The following NALCN variants were observed in gnomAD, a reference collection of about 807,000 sequenced individuals.
NALCN encodes the protein sodium leak channel, non-selective, also known as sodium leak channel NALCN.
Under a neutral mutation model 225.3 loss-of-function variants are expected in NALCN, and 111 were observed. The ratio of observed to expected loss-of-function variants is 0.49; its 90% CI spans 0.42 to 0.58. The LOEUF (loss-of-function observed/expected upper bound fraction) is 0.58, where lower values mean the gene tolerates loss of function less well. Ranked by LOEUF, NALCN falls within the 20% of genes least tolerant of loss-of-function variation. The probability of loss-of-function intolerance (pLI) is 0.00; values close to 1 mark genes in which losing one functional copy is unlikely to be tolerated. For missense variants in NALCN, 1,378 were observed against 2,202.4 expected, an observed-to-expected ratio of 0.63 and a Z score of 7.49; for synonymous variants, 764 against 769.0, an observed-to-expected ratio of 0.99 and a Z score of 0.11.
intron 10 of NALCN, among the ~76,000 whole-genome samples, chr13:101,279,262 G>C (rs112887662): frequency 1.3e-5 from 2 of 152,240 alleles, no homozygotes; most frequent in African/African-American, 4.8e-5. Context: ...TGAAGGATGA[G>C]TGAGAAGGAA....
intron 6 of NALCN, among the ~76,000 whole-genome samples, chr13:101,367,440 T>A (rs1457082814): frequency 6.6e-6 from 1 of 152,168 alleles, no homozygotes; most frequent in Non-Finnish European, 1.5e-5. Context: ...TACTAATCAA[T>A]GCCTAAGGTA....
chr13:101,279,781 C>T (rs975850834), intron 10 of NALCN, among the ~76,000 whole-genome samples: 2 of 149,540 alleles, frequency 1.3e-5, no homozygotes, highest in African/African-American at 2.4e-5. Flanking sequence ...CCCGCCACTG[C>T]ACTCCAGCCT....
intron 7 of NALCN, among the ~76,000 whole-genome samples, chr13:101,307,570 C>T (rs888543312): frequency 6.6e-6 from 1 of 152,168 alleles, no homozygotes; most frequent in Admixed American, 6.5e-5. Context: ...TCTGAACTTT[C>T]TGAAACTTTT....
At chr13:101,277,653 T>C (rs1469079970) in intron 10 of NALCN, among the ~76,000 whole-genome samples, 2 of 152,256 alleles carry the variant, frequency 1.3e-5, no homozygotes, top group African/African-American at 2.4e-5. Flanking sequence ...CTTGTATTTA[T>C]TCTTTATTCA....
chr13:101,156,108 C>T (rs1285868145), intron 15 of NALCN, among the ~76,000 whole-genome samples: 1 of 152,116 alleles, frequency 6.6e-6, no homozygotes, highest in Non-Finnish European at 1.5e-5. Flanking sequence ...TCAAAGTCTT[C>T]CTGCTTTGGC....
intron 11 of NALCN, among the ~76,000 whole-genome samples, chr13:101,245,031 T>C (rs2041853523): frequency 6.6e-6 from 1 of 152,252 alleles, no homozygotes; most frequent in Admixed American, 6.5e-5. Context: ...TGTGCAGGTG[T>C]CCAATCTCAA....
At chr13:101,380,892 AC>A (rs1491058349) in intron 3 of NALCN, among the ~76,000 whole-genome samples, 6 of 149,750 alleles carry the variant, frequency 4.0e-5, no homozygotes. Flanking sequence ...ACACACACAC[AC>A]CACCATCACC....
intron 33 of NALCN, among the ~76,000 whole-genome samples, chr13:101,082,592 C>T (rs2033714145): frequency 2.0e-5 from 3 of 152,304 alleles, no homozygotes; most frequent in African/African-American, 4.8e-5. Context: ...TCAGACACAA[C>T]AATCGACAGC....
At chr13:101,174,684 G>A (rs1019638324) in intron 15 of NALCN, among the ~76,000 whole-genome samples, 3 of 152,100 alleles carry the variant, frequency 2.0e-5, no homozygotes, top group Non-Finnish European at 4.4e-5. Context: ...CTACATACAA[G>A]TTTATTTTGT....
At chr13:101,153,762 T>C (rs1324424898) in intron 15 of NALCN, among the ~76,000 whole-genome samples, 1 of 152,228 alleles carries the variant, frequency 6.6e-6, no homozygotes, top group Non-Finnish European at 1.5e-5. Flanking sequence ...GCTTTCTGTC[T>C]TAGTTTTTTC....
intron 13 of NALCN, among the ~76,000 whole-genome samples, chr13:101,222,210 CTAAT>C (rs1439721976): frequency 1.3e-5 from 2 of 152,102 alleles, no homozygotes; most frequent in Non-Finnish European, 2.9e-5. Flanking sequence ...CACAGCCTCT[CTAAT>C]TATCTCTGAG....
intron 14 of NALCN, among the ~76,000 whole-genome samples, chr13:101,182,056 C>A (rs2039253891): frequency 6.8e-6 from 1 of 147,988 alleles, no homozygotes; most frequent in Non-Finnish European, 1.5e-5. Context: ...ATGGCGTGAA[C>A]CCGGGAGGCG....
intron 10 of NALCN, among the ~76,000 whole-genome samples, chr13:101,279,888 G>C (rs1267624352): frequency 7.1e-6 from 1 of 140,122 alleles, no homozygotes; most frequent in Non-Finnish European, 1.6e-5. Context: ...AAAAGAAGTG[G>C]TATATGCTCC....
At chr13:101,279,383 C>T (rs1253396113) in intron 10 of NALCN, among the ~76,000 whole-genome samples, 1 of 152,142 alleles carries the variant, frequency 6.6e-6, no homozygotes, top group African/African-American at 2.4e-5. Context: ...GAAGAATCGA[C>T]TCAACATTAA....
chr13:101,396,361 C>T (rs1160882190), intron 2 of NALCN, among the ~76,000 whole-genome samples: 3 of 151,916 alleles, frequency 2.0e-5, no homozygotes, highest in East Asian at 3.8e-4. Flanking sequence ...AATCCAAATA[C>T]GTTTTTATTG....
intron 17 of NALCN, among the ~76,000 whole-genome samples, chr13:101,140,775 A>G (rs1186144483): frequency 6.6e-6 from 1 of 152,076 alleles, no homozygotes; most frequent in South Asian, 2.1e-4. Context: ...AAAAAATCAA[A>G]AAAGCCAGGC....
chr13:101,227,866 C>A (rs1266414967), intron 13 of NALCN, among the ~76,000 whole-genome samples: 1 of 152,218 alleles, frequency 6.6e-6, no homozygotes, highest in African/African-American at 2.4e-5. Context: ...AGGATTTGCT[C>A]ACCTCAGACA....
intron 3 of NALCN, among the ~76,000 whole-genome samples, chr13:101,387,037 A>T (rs988563779): frequency 6.6e-6 from 1 of 151,260 alleles, no homozygotes; most frequent in African/African-American, 2.4e-5. Flanking sequence ...CTGGCTAACA[A>T]GGTGAAACCC....
chr13:101,153,099 A>C (rs1159627951), intron 15 of NALCN, among the ~76,000 whole-genome samples: 1 of 152,154 alleles, frequency 6.6e-6, no homozygotes, highest in African/African-American at 2.4e-5. Context: ...CATAAGTAAA[A>C]ACAGTAAAAA....
Sources: gnomAD v4.1 joint callset for allele counts (sites outside exome capture counted in the v4.1 genomes callset) on GRCh38, gnomAD v4.1.1 for gene constraint, MANE v1.5 for transcripts, NCBI Gene and HGNC (gene_info 2026-07-23, HGNC 2026-07-21) for gene names.